The following STARD13 variants were observed in gnomAD, a reference collection of about 807,000 sequenced individuals.
STARD13 encodes the protein stAR-related lipid transfer protein 13.
Under a neutral mutation model 106.4 loss-of-function variants are expected in STARD13, and 62 were observed. The ratio of observed to expected loss-of-function variants is 0.58; its 90% CI spans 0.48 to 0.72. STARD13 has a LOEUF of 0.72. Ranked by LOEUF, STARD13 falls within the 30% of genes least tolerant of loss-of-function variation. STARD13 has a pLI of 0.00. For missense variants in STARD13, 1,387 were observed against 1,424.0 expected, an observed-to-expected ratio of 0.97 and a Z score of 0.42; for synonymous variants, 565 against 553.0, an observed-to-expected ratio of 1.02 and a Z score of -0.31.
the STARD13 span, among the ~76,000 whole-genome samples, chr13:33,596,874 T>A: frequency 6.6e-6 from 1 of 152,252 alleles, no homozygotes; most frequent in South Asian, 2.1e-4. Flanking sequence ...TTTCATTCTT[T>A]TTTTGTGGCT....
the STARD13 span, among the ~76,000 whole-genome samples, chr13:33,409,058 T>G: frequency 6.6e-6 from 1 of 151,786 alleles, no homozygotes; most frequent in South Asian, 2.1e-4. Flanking sequence ...TAACTCATAT[T>G]ATATATTTTC....
the STARD13 span, among the ~76,000 whole-genome samples, chr13:33,482,068 G>A: frequency 6.6e-6 from 1 of 152,030 alleles, no homozygotes; most frequent in Non-Finnish European, 1.5e-5. Flanking sequence ...ATAATTGTAG[G>A]TATCACAATG....
chr13:33,129,584 C>T lies in STARD13; in HGVS notation c.1093G>A (p.Glu365Lys). 6.2e-7 allele frequency: 1 copy of T among 1,614,162 alleles called. No homozygotes were observed. Among genetic ancestry groups the T allele is most frequent in the Non-Finnish European group, 8.5e-7 (1 of 1,180,046 alleles). ...EANKRGGMYLEDLDVLAGTAL... is the reference protein window; with the variant it reads ...EANKRGGMYLKDLDVLAGTAL... ...GTCCCCGCCAGCACATCTAGGTCCT[C>T]CAAGTACATGCCCCCGCGCTTGTTG... The change falls in exon 5 of 14, where the codon GAG becomes AAG. Residue 365 changes from glutamate (E) to lysine (K), a missense_variant. By Grantham distance (56) the Glu-to-Lys change is moderately conservative (BLOSUM62 1). Coordinates refer to ENST00000336934, the MANE Select transcript of STARD13 (RefSeq NM_178006.4).
intron 1 of STARD13, among the ~76,000 whole-genome samples, chr13:33,196,474 C>T (rs1886628180): frequency 1.3e-5 from 2 of 152,186 alleles, no homozygotes; most frequent in South Asian, 2.1e-4. Flanking sequence ...TGATAGGAGG[C>T]GCCCTCACTG....
chr13:33,439,326 GCCTTA>G, the STARD13 span, among the ~76,000 whole-genome samples: 1 of 152,122 alleles, frequency 6.6e-6, no homozygotes, highest in Non-Finnish European at 1.5e-5. Context: ...TTTTCAAGAG[GCCTTA>G]CCTTCGAAGC....
At chr13:33,505,107 G>T in the STARD13 span, among the ~76,000 whole-genome samples, 1 of 152,212 alleles carries the variant, frequency 6.6e-6, no homozygotes, top group African/African-American at 2.4e-5. Flanking sequence ...TGTAAGCAGA[G>T]ACTGGGAATA....
the STARD13 span, among the ~76,000 whole-genome samples, chr13:33,613,934 A>T: frequency 6.6e-6 from 1 of 152,166 alleles, no homozygotes; most frequent in African/African-American, 2.4e-5. Flanking sequence ...AAGGCAGGGG[A>T]GAAGCATGAG....
the STARD13 span, among the ~76,000 whole-genome samples, chr13:33,503,542 C>T: frequency 1.3e-5 from 2 of 152,212 alleles, no homozygotes; most frequent in African/African-American, 4.8e-5. Flanking sequence ...TCCCTCTACA[C>T]ACTGCTTTAA....
the STARD13 span, among the ~76,000 whole-genome samples, chr13:33,612,707 G>T: frequency 1.3e-5 from 2 of 152,140 alleles, no homozygotes; most frequent in Admixed American, 1.3e-4. Flanking sequence ...CTCTCAAAGG[G>T]CTCCTGGGCC....
At chr13:33,489,340 T>C in the STARD13 span, among the ~76,000 whole-genome samples, 1 of 152,210 alleles carries the variant, frequency 6.6e-6, no homozygotes, top group Admixed American at 6.5e-5. Context: ...CAACTCACTA[T>C]AGTAAAGCCT....
At chr13:33,523,896 T>C in the STARD13 span, among the ~76,000 whole-genome samples, 1 of 152,110 alleles carries the variant, frequency 6.6e-6, no homozygotes, top group African/African-American at 2.4e-5. Flanking sequence ...TTAAACATAG[T>C]TCAAGGAGAT....
At chr13:33,276,130 T>C (rs1424442889) in intron 1 of STARD13, 2 of 152,162 alleles carry the variant, frequency 1.3e-5, no homozygotes, top group Non-Finnish European at 2.9e-5. Context: ...ACCTTCCAAC[T>C]AAAAGTACAG....
chr13:33,114,487 C>T (rs1367246620), intron 8 of STARD13, among the ~76,000 whole-genome samples: 1 of 152,180 alleles, frequency 6.6e-6, no homozygotes, highest in Non-Finnish European at 1.5e-5. Flanking sequence ...ACAAGATATA[C>T]CTGGGGTTTA....
the STARD13 span, among the ~76,000 whole-genome samples, chr13:33,569,897 G>A: frequency 4.8e-5 from 7 of 147,324 alleles, 1 homozygote; most frequent in African/African-American, 1.5e-4. Context: ...ATGATATAAT[G>A]GACTTTGGGG....
At chr13:33,289,299 G>A (rs2138427589), upstream of STARD13, among the ~76,000 whole-genome samples, 1 of 152,312 alleles carries the variant, frequency 6.6e-6, no homozygotes, top group East Asian at 1.9e-4. Flanking sequence ...TAAACAGATG[G>A]TTACTGAGAA....
At chr13:33,560,924 C>A in the STARD13 span, among the ~76,000 whole-genome samples, 1 of 151,412 alleles carries the variant, frequency 6.6e-6, no homozygotes, top group Non-Finnish European at 1.5e-5. Flanking sequence ...TGACAATAGC[C>A]AGCCAACTTA....
chr13:33,154,823 C>T (rs1218449639), intron 3 of STARD13, among the ~76,000 whole-genome samples: 1 of 152,152 alleles, frequency 6.6e-6, no homozygotes, highest in African/African-American at 2.4e-5. Flanking sequence ...TCATGACTAG[C>T]GATTTCTGAG....
chr13:33,111,207 T>C (rs1366115977), intron 10 of STARD13, among the ~76,000 whole-genome samples: 1 of 152,236 alleles, frequency 6.6e-6, no homozygotes, highest in African/African-American at 2.4e-5. Flanking sequence ...TGGCAAAATA[T>C]GGGCTCAGAC....
At chr13:33,656,941 C>A in the STARD13 span, 1 of 152,182 alleles carries the variant, frequency 6.6e-6, no homozygotes, top group Non-Finnish European at 1.5e-5. Flanking sequence ...ACATGTCCAC[C>A]ACTGGAGTGA....
Sources: allele counts gnomAD v4.1 joint callset (sites outside exome capture counted in the v4.1 genomes callset), GRCh38; gene constraint gnomAD v4.1.1; transcripts MANE v1.5; gene names NCBI Gene and HGNC (gene_info 2026-07-23, HGNC 2026-07-21).